ZNF254: variants seen among roughly 807,000 people sequenced by gnomAD.
The protein encoded by ZNF254 is CTD-2017D11.1.
A neutral mutation model predicts 12.4 loss-of-function variants in ZNF254; 10 were observed. The ratio of observed to expected loss-of-function variants is 0.80; its 90% confidence interval spans 0.50 to 1.36. The LOEUF (loss-of-function observed/expected upper bound fraction) is 1.36. ZNF254 is among the 40% of genes most tolerant of loss of function. The probability of loss-of-function intolerance (pLI) is 0.00; values close to 1 mark genes in which losing one functional copy is unlikely to be tolerated. For synonymous variants in ZNF254, 305 were observed against 253.4 expected (o/e 1.20, Z -1.93); for missense variants, 996 against 763.9 (o/e 1.30, Z -3.58).
At chr19:24,064,318 A>C (rs1309880373) in intron 2 of ZNF254, among the ~76,000 whole-genome samples, 1 of 151,968 alleles carries the variant, frequency 6.6e-6, no homozygotes, top group East Asian at 1.9e-4. Context: ...TAGGCTTCTC[A>C]CCTAGGTAAT....
chr19:24,055,205 CAAAAAAA>C (rs71167733), intron 2 of ZNF254, among the ~76,000 whole-genome samples: 6 of 28,326 alleles, frequency 2.1e-4, no homozygotes, highest in Admixed American at 7.9e-4. Flanking sequence ...TCTGTCTCAC[CAAAAAAA>C]AAAAAAAAAA....
intron 3 of ZNF254, among the ~76,000 whole-genome samples, chr19:24,108,323 T>A (rs144425883): frequency 0.015 from 2,209 of 152,216 alleles, 25 homozygotes; most frequent in South Asian, 0.022. Context: ...ACAGAGTAAG[T>A]TTAAAATTCT....
intron 2 of ZNF254, among the ~76,000 whole-genome samples, chr19:24,073,570 T>C (rs1349387609): frequency 6.6e-6 from 1 of 152,210 alleles, no homozygotes; most frequent in African/African-American, 2.4e-5. Context: ...TTGTCATCTT[T>C]CCACATGAAT....
intron 1 of ZNF254, among the ~76,000 whole-genome samples, chr19:24,098,093 T>C (rs1309355037): frequency 6.6e-6 from 1 of 152,164 alleles, no homozygotes; most frequent in African/African-American, 2.4e-5. Flanking sequence ...AGCTGAATTA[T>C]AAAGAAAATG....
intron 2 of ZNF254, among the ~76,000 whole-genome samples, chr19:24,060,560 G>C (rs993801518): frequency 2.0e-5 from 3 of 152,188 alleles, no homozygotes; most frequent in Admixed American, 6.5e-5. Context: ...AGTAGAGCTT[G>C]TGACCTATCT....
At chr19:24,051,066 G>C (rs62114762) in intron 2 of ZNF254, among the ~76,000 whole-genome samples, 23,867 of 152,108 alleles carry the variant, frequency 0.16, 1,891 homozygotes, top group Middle Eastern at 0.18. Context: ...CATAGCTGGG[G>C]CCAGCTCAAA....
chr19:24,080,967 C>T (rs1178995240), intron 2 of ZNF254, among the ~76,000 whole-genome samples: 2 of 149,758 alleles, frequency 1.3e-5, no homozygotes, highest in Non-Finnish European at 1.5e-5. Context: ...ATCCCAGCTA[C>T]TCAGGAGGCT....
chr19:24,041,000 A>G (rs1434816624), intron 1 of ZNF254, among the ~76,000 whole-genome samples: 1 of 152,226 alleles, frequency 6.6e-6, no homozygotes, highest in Non-Finnish European at 1.5e-5. Context: ...CTGCAGAATC[A>G]CATTAGTTAG....
intron 3 of ZNF254, chr19:24,107,085 A>T: frequency 2.2e-6 from 1 of 456,352 alleles, no homozygotes; most frequent in Non-Finnish European, 3.8e-6. Context: ...TGCACATTTC[A>T]TCCTGTTTTC....
chr19:24,128,014 C>T lies in ZNF254; in HGVS notation c.*34C>T, dbSNP rs1975024083. 1 of 1,508,190 alleles carries T rather than the reference C, an allele frequency of 6.6e-7. No individual in the cohort carries two copies. The highest frequency in any genetic ancestry group is 8.8e-7 in the Non-Finnish European group (1 of 1,135,194). The allele number at this position is 1,508,190 out of a possible 1,614,324, so 93.4% of individuals were successfully genotyped here. On this transcript the variant is annotated 3_prime_UTR_variant, in exon 4 of 4. Transcript: ENST00000357002. ...CCAAAGCCTAAGAAAACCCTCAATT[C>T]TTAATAGATATAAGATTATTCCTAC...
At chr19:24,048,778 A>G (rs1214305158) in intron 2 of ZNF254, among the ~76,000 whole-genome samples, 1 of 151,730 alleles carries the variant, frequency 6.6e-6, no homozygotes, top group Non-Finnish European at 1.5e-5. Context: ...ACCTAGGCTT[A>G]AGTGCAGTTA....
chr19:24,116,182 G>T (rs567785360), intron 3 of ZNF254, among the ~76,000 whole-genome samples: 1 of 151,258 alleles, frequency 6.6e-6, no homozygotes, highest in African/African-American at 2.4e-5. Context: ...TCTTGGAGTT[G>T]CTCTTCTCGA....
At chr19:24,068,720 A>C (rs1202429366) in intron 2 of ZNF254, among the ~76,000 whole-genome samples, 4 of 152,146 alleles carry the variant, frequency 2.6e-5, no homozygotes, top group African/African-American at 7.2e-5. Context: ...ATACCTTTAG[A>C]TGAGACCCAG....
intron 1 of ZNF254, among the ~76,000 whole-genome samples, chr19:24,101,001 A>AT (rs549802249): frequency 8.6e-4 from 130 of 151,864 alleles, no homozygotes; most frequent in Admixed American, 2.2e-3. Context: ...CTAATTTTGT[A>AT]TTTTTAGTAG....
intron 2 of ZNF254, among the ~76,000 whole-genome samples, chr19:24,059,124 T>C (rs1970974713): frequency 6.6e-6 from 1 of 152,242 alleles, no homozygotes; most frequent in South Asian, 2.1e-4. Context: ...CACTATAAAA[T>C]ATTCATGGCC....
At chr19:24,125,842 G>GA (rs1974796414) in intron 3 of ZNF254, among the ~76,000 whole-genome samples, 1 of 152,082 alleles carries the variant, frequency 6.6e-6, no homozygotes, top group Admixed American at 6.5e-5. Flanking sequence ...CCAGTGTCAG[G>GA]AAAAAACCCT....
chr19:24,113,651 T>C (rs1973847980), intron 3 of ZNF254, among the ~76,000 whole-genome samples: 1 of 151,986 alleles, frequency 6.6e-6, no homozygotes, highest in Non-Finnish European at 1.5e-5. Flanking sequence ...CTCTCAACAC[T>C]CCTATTCAAC....
intron 1 of ZNF254, among the ~76,000 whole-genome samples, chr19:24,092,181 T>TC (rs955822242): frequency 2.0e-5 from 3 of 151,208 alleles, no homozygotes; most frequent in African/African-American, 7.3e-5. Flanking sequence ...CTTTTTTTTT[T>TC]TTTTAAATGG....
Position 24,128,778 on chromosome 19 carries a change from T to C in ZNF254, c.*798T>C, listed in dbSNP as rs1014341170. ...GGCATTCAAGCTTTAGACATTACAC[T>C]AAATCAGAGTGCTGAGTATAGAAAA... On this transcript the variant is annotated 3_prime_UTR_variant, in exon 4 of 4. Coordinates refer to ENST00000357002, the MANE Select transcript of ZNF254 (RefSeq NM_203282.4). 1.3e-5 allele frequency: 2 copies of C among 152,082 alleles called. No homozygotes were observed. Among genetic ancestry groups the C allele is most frequent in the Non-Finnish European group, 2.9e-5 (2 of 67,936 alleles). 9.4% of individuals were successfully genotyped at this position (152,082 alleles called of 1,614,324 possible). A position where few individuals can be genotyped will look rare whatever the true frequency, so the allele number is the denominator to read the frequency against.
Sources: gnomAD v4.1 joint callset for allele counts (sites outside exome capture counted in the v4.1 genomes callset) on GRCh38, gnomAD v4.1.1 for gene constraint, MANE v1.5 for transcripts, NCBI Gene and HGNC (gene_info 2026-07-23, HGNC 2026-07-21) for gene names.